Variants in CUBN observed in about 807,000 individuals in gnomAD.
CUBN encodes 460 kDa receptor.
Under a neutral mutation model 405.3 loss-of-function variants are expected in CUBN, and 282 were observed. That is an observed-to-expected ratio of 0.70 (90% CI 0.63 to 0.77). CUBN has a LOEUF of 0.77. Among genes scored for constraint, CUBN ranks in the 30% least tolerant of loss-of-function variants. The probability of loss-of-function intolerance (pLI) is 0.00; values close to 1 mark genes in which losing one functional copy is unlikely to be tolerated. For missense variants in CUBN, 4,514 were observed against 4,475.2 expected (o/e 1.01, Z -0.25); for synonymous variants, 1,684 against 1,617.0 (o/e 1.04, Z -0.99).
In CUBN at chr10:17,038,983, T is replaced by A. The variant is rs115181102; in HGVS notation, c.4017+2050A>T. 8.0e-3 allele frequency among the ~76,000 whole-genome samples: 1,224 copies of A among 152,344 alleles called. 12 individuals carry two copies. Among genetic ancestry groups the A allele is most frequent in the African/African-American group, 0.026 (1,085 of 41,568 alleles). ...TGCAGTTGCTGGAACAAGCATTTTT[T>A]AATTTGAGTTTTTAAACACCTTTTT... On this transcript the variant is annotated intron_variant, in intron 27 of 66. Transcript: ENST00000377833.
At chr10:16,933,930 G>T (rs770170401) in intron 39 of CUBN, among the ~76,000 whole-genome samples, 2 of 152,214 alleles carry the variant, frequency 1.3e-5, no homozygotes, top group Non-Finnish European at 2.9e-5. Context: ...AGACCCCAGG[G>T]ACAGGGCTGT....
At chr10:16,981,759 G>A (rs1230722019) in intron 31 of CUBN, among the ~76,000 whole-genome samples, 1 of 152,128 alleles carries the variant, frequency 6.6e-6, no homozygotes, top group Non-Finnish European at 1.5e-5. Context: ...AGGCAGCCAA[G>A]CAAATAAGCC....
intron 29 of CUBN, among the ~76,000 whole-genome samples, chr10:16,987,173 A>T (rs1182953909): frequency 6.6e-6 from 1 of 152,192 alleles, no homozygotes; most frequent in Non-Finnish European, 1.5e-5. Flanking sequence ...TTTCTCAGAG[A>T]TTAAAGTAAA....
intron 29 of CUBN, among the ~76,000 whole-genome samples, chr10:16,986,239 G>A (rs1833416033): frequency 6.6e-6 from 1 of 152,150 alleles, no homozygotes; most frequent in South Asian, 2.1e-4. Flanking sequence ...GCTCTCAGGG[G>A]GATCTGGGCA....
At position 16,953,665 on chromosome 10, in the gene CUBN, G is replaced by A. The variant is rs552664464; in HGVS notation, c.4855+724C>T. On this transcript the variant is annotated intron_variant, in intron 32 of 66. Coordinates refer to ENST00000377833, the MANE Select transcript of CUBN (RefSeq NM_001081.4). ...GAGGCCAGGAGTTTGAGACCAGCCC[G>A]GGCAACAGAGCAGATCCCATCTCTA... 3.9e-5 allele frequency among the ~76,000 whole-genome samples: 6 copies of A among 152,108 alleles called. No homozygotes were observed. The South Asian group carries it at 6.2e-4, about 16-fold the overall frequency.
At chr10:17,006,158 A>G (rs1260741625) in intron 28 of CUBN, among the ~76,000 whole-genome samples, 1 of 152,222 alleles carries the variant, frequency 6.6e-6, no homozygotes, top group Non-Finnish European at 1.5e-5. Flanking sequence ...CGACAGCCCA[A>G]GCAAATTAAT....
intron 43 of CUBN, among the ~76,000 whole-genome samples, chr10:16,921,650 A>T (rs1842036334): frequency 6.6e-6 from 1 of 152,000 alleles, no homozygotes; most frequent in Admixed American, 6.6e-5. Context: ...TTTACTCTTC[A>T]TGTCATTCTT....
At chr10:16,969,544 G>A (rs1457366890) in intron 31 of CUBN, among the ~76,000 whole-genome samples, 11 of 152,090 alleles carry the variant, frequency 7.2e-5, no homozygotes, top group Admixed American at 3.9e-4. Context: ...TAGTAGAGAC[G>A]GGGTTTCATC....
chr10:16,980,308 T>A (rs2932899), intron 31 of CUBN, among the ~76,000 whole-genome samples: 126,297 of 152,162 alleles, frequency 0.83, 54,382 homozygotes, highest in Non-Finnish European at 0.96. Context: ...CTAGAACCAG[T>A]AATACCATTT....
intron 12 of CUBN, among the ~76,000 whole-genome samples, chr10:17,104,210 C>A (rs575185471): frequency 1.3e-5 from 2 of 152,230 alleles, no homozygotes; most frequent in South Asian, 4.1e-4. Flanking sequence ...TGTATTTATT[C>A]TTTGGAAGAA....
At chr10:16,913,558 G>A (rs551865768) in intron 48 of CUBN, among the ~76,000 whole-genome samples, 11 of 152,188 alleles carry the variant, frequency 7.2e-5, no homozygotes, top group Non-Finnish European at 1.3e-4. Context: ...GCCATTTGTC[G>A]TGATCATTCA....
At position 16,901,376 on chromosome 10, in the gene CUBN, A is replaced by T. The variant is rs1451899358; in HGVS notation, c.8146T>A (p.Ser2716Thr). The T allele has an allele frequency of 6.2e-7, 1 of 1,614,004 alleles. No individual in the cohort carries two copies. Among genetic ancestry groups the T allele is most frequent in the East Asian group, 2.2e-5 (1 of 44,878 alleles). Residue 2716 changes from serine to threonine, a missense_variant, in exon 52 of 67, where the codon TCT (serine) becomes ACT (threonine). Around this residue, in one of 5 missense-constraint regions of CUBN, gnomAD observed 1,186 missense variants for 1,186.9 expected, o/e 1.00. Coordinates refer to ENST00000377833, the MANE Select transcript of CUBN (RefSeq NM_001081.4). ...PNAYDSLTHC[S>T]SLLEAPQGHT... is the part of the protein sequence containing the mutation. ...CCTTGTGGGGCCTCCAACAGCGAAG[A>T]GCAGTGGGTCAGGCTGTCATAAGCA...
chr10:16,882,092 T>C (rs902484283), intron 56 of CUBN, among the ~76,000 whole-genome samples: 7 of 152,220 alleles, frequency 4.6e-5, no homozygotes, highest in African/African-American at 9.6e-5. Flanking sequence ...GGAAACTTAG[T>C]TGAGGTTTGG....
In CUBN at chr10:16,840,390, T is replaced by C; in HGVS notation, c.9972A>G (p.Ala3324=). 1.2e-6 allele frequency: 2 copies of C among 1,614,180 alleles called. No individual in the cohort carries two copies. The highest frequency in any genetic ancestry group is 8.5e-7 in the Non-Finnish European group (1 of 1,180,026). ...PHQQVKITVW[A]LQLTSQDCTQ... ...TGCAGTCTTGCGAGGTCAGCTGTAA[T>C]GCCCACACAGTTATCTTGACCTGCT... Residue 3324 remains alanine, a synonymous_variant, in exon 62 of 67, where the codon GCA becomes GCG. Coordinates refer to ENST00000377833, the MANE Select transcript of CUBN (RefSeq NM_001081.4).
chr10:17,010,826 C>T (rs113970096), intron 28 of CUBN, among the ~76,000 whole-genome samples: 213 of 152,310 alleles, frequency 1.4e-3, no homozygotes, highest in African/African-American at 4.6e-3. Flanking sequence ...CATATTTTAA[C>T]AGACATACAC....
At position 16,937,673 on chromosome 10, in the gene CUBN, A is replaced by T. The variant is rs1842552447; in HGVS notation, c.5845T>A (p.Ser1949Thr). The change falls in exon 39 of 67, where the codon TCT becomes ACT. Residue 1949 changes from serine to threonine, a missense_variant. Physicochemically the swap from Ser to Thr is moderately conservative, Grantham distance 58. This residue lies in a region of CUBN where 1,613 missense variants were observed against 1,542.8 expected (regional missense o/e 1.05). Coordinates refer to ENST00000377833, the MANE Select transcript of CUBN (RefSeq NM_001081.4). ...NSLTFHFYSDSSISGKGFLLE... is the reference protein window; with the variant it reads ...NSLTFHFYSDTSISGKGFLLE... ...AGGAATCCCTTCCCTGAGATTGAAG[A>T]GTCGGAGTAAAAATGAAATGTCAAA... 6 of 1,614,110 alleles carry T rather than the reference A, an allele frequency of 3.7e-6. No homozygotes were observed. Among genetic ancestry groups the T allele is most frequent in the Non-Finnish European group, 5.1e-6 (6 of 1,179,980 alleles).
intron 6 of CUBN, among the ~76,000 whole-genome samples, chr10:17,119,090 T>C (rs1381047416): frequency 6.6e-6 from 1 of 152,208 alleles, no homozygotes. Context: ...CTAATTTTAC[T>C]GACTGAGTGA....
At chr10:17,044,211 T>A (rs1203125756) in intron 25 of CUBN, among the ~76,000 whole-genome samples, 1 of 146,536 alleles carries the variant, frequency 6.8e-6, no homozygotes, top group African/African-American at 2.5e-5. Context: ...ATTCAACACA[T>A]ATGTTTATAT....
At chr10:17,127,464 G>A (rs529675194) in intron 3 of CUBN, among the ~76,000 whole-genome samples, 43 of 134,384 alleles carry the variant, frequency 3.2e-4, no homozygotes, top group African/African-American at 9.9e-4. Context: ...TGGTAGAGAC[G>A]GAGTCTCACT....
Sources: allele counts gnomAD v4.1 joint callset (sites outside exome capture counted in the v4.1 genomes callset), GRCh38; gene constraint gnomAD v4.1.1; regional missense constraint gnomAD v4.1.1; transcripts MANE v1.5; gene names NCBI Gene and HGNC (gene_info 2026-07-23, HGNC 2026-07-21).